DDX46: variants seen among roughly 807,000 people sequenced by gnomAD.
The protein encoded by DDX46 is DEAD-box helicase 46.
DDX46 carries 30 observed loss-of-function variants against 134.9 expected under a neutral mutation model. That is an observed-to-expected ratio of 0.22 (90% CI 0.17 to 0.30). The LOEUF (loss-of-function observed/expected upper bound fraction) is 0.30, where lower values mean the gene tolerates loss of function less well. Ranked by LOEUF, DDX46 falls within the 10% of genes least tolerant of loss-of-function variation. The pLI, the probability that DDX46 is intolerant of heterozygous loss-of-function variation, is 1.00. For missense variants in DDX46, 622 were observed against 1,248.7 expected, an observed-to-expected ratio of 0.50 and a Z score of 7.56; for synonymous variants, 415 against 404.1, an observed-to-expected ratio of 1.03 and a Z score of -0.32.
chr5:134,795,221 T>C (rs940476913), intron 14 of DDX46, among the ~76,000 whole-genome samples: 1 of 143,400 alleles, frequency 7.0e-6, no homozygotes, highest in South Asian at 2.2e-4. Flanking sequence ...TTTTTTTTTG[T>C]TTTTTTTTTG....
At chr5:134,791,609 A>G (rs141469749) in intron 13 of DDX46, among the ~76,000 whole-genome samples, 1 of 152,142 alleles carries the variant, frequency 6.6e-6, no homozygotes, top group Non-Finnish European at 1.5e-5. Context: ...ATCATTGTGA[A>G]TTGTCAGTAG....
At chr5:134,767,725 C>T (rs1234020863) in intron 3 of DDX46, among the ~76,000 whole-genome samples, 14 of 151,518 alleles carry the variant, frequency 9.2e-5, no homozygotes, top group Non-Finnish European at 1.9e-4. Flanking sequence ...CCAAGGTGGG[C>T]GGATCACCTG....
At chr5:134,802,145 T>G (rs1754845840) in intron 15 of DDX46, among the ~76,000 whole-genome samples, 1 of 150,976 alleles carries the variant, frequency 6.6e-6, no homozygotes, top group Non-Finnish European at 1.5e-5. Flanking sequence ...TAGATCAAAT[T>G]GGATAATTTC....
Position 134,828,817 on chromosome 5 carries a change from AT to A in DDX46, c.*119del. ...AGATTTTTTAAATTCTATCTTGCTG[AT>A]TTTTTTTAAATATAAGAAACTGGTA... On this transcript the variant is annotated 3_prime_UTR_variant, in exon 23 of 23. Coordinates refer to ENST00000452510, the MANE Select transcript of DDX46 (RefSeq NM_001300860.2). The A allele has an allele frequency of 3.1e-5, 24 of 784,270 alleles. No homozygotes were observed. The highest frequency in any genetic ancestry group is 4.9e-5 in the South Asian group (1 of 20,208). 48.6% of individuals were successfully genotyped at this position (784,270 alleles called of 1,614,324 possible).
At chr5:134,788,661 C>T (rs1489397579) in intron 12 of DDX46, 70 bp downstream of exon 12, 3 of 1,340,236 alleles carry the variant, frequency 2.2e-6, no homozygotes, top group Non-Finnish European at 3.2e-6. Context: ...AAAACAGATG[C>T]AAGAAACCAA....
intron 20 of DDX46, 137 bp from the exon 21 acceptor site, chr5:134,818,723 A>T (rs938925951): frequency 6.3e-6 from 3 of 478,482 alleles, no homozygotes; most frequent in East Asian, 7.8e-5. Flanking sequence ...AAAAAAAAGA[A>T]TATATATATA....
At chr5:134,784,022 T>C (rs913271008) in intron 9 of DDX46, among the ~76,000 whole-genome samples, 13 of 152,068 alleles carry the variant, frequency 8.5e-5, no homozygotes, top group African/African-American at 3.1e-4. Context: ...AAAGAAACTT[T>C]TGTCCATTAG....
chr5:134,779,971 C>T (rs780290335), intron 6 of DDX46, among the ~76,000 whole-genome samples: 19 of 152,164 alleles, frequency 1.2e-4, no homozygotes, highest in Admixed American at 1.2e-3. Context: ...TGATGGCGGA[C>T]GCCTCTAATC....
At chr5:134,823,967 A>G (rs1755523836) in intron 21 of DDX46, among the ~76,000 whole-genome samples, 1 of 152,242 alleles carries the variant, frequency 6.6e-6, no homozygotes, top group African/African-American at 2.4e-5. Flanking sequence ...AGTGAGAGAC[A>G]TGATTATTTG....
intron 11 of DDX46, among the ~76,000 whole-genome samples, chr5:134,786,610 C>G (rs1055761341): frequency 6.6e-6 from 1 of 151,998 alleles, no homozygotes; most frequent in African/African-American, 2.4e-5. Context: ...TTTGAGAGGC[C>G]GAAGCGGGTG....
chr5:134,793,498 A>G (rs763250641), intron 13 of DDX46, among the ~76,000 whole-genome samples: 1 of 152,110 alleles, frequency 6.6e-6, no homozygotes, highest in South Asian at 2.1e-4. Context: ...TCCGCCTCCC[A>G]GGTTCAAGTG....
intron 15 of DDX46, among the ~76,000 whole-genome samples, chr5:134,800,768 C>A (rs756688418): frequency 6.6e-6 from 1 of 152,088 alleles, no homozygotes; most frequent in Non-Finnish European, 1.5e-5. Context: ...CTCCGCCTCC[C>A]GGGTTCAAGC....
At chr5:134,770,413 T>C (rs577103487) in intron 3 of DDX46, among the ~76,000 whole-genome samples, 1 of 152,066 alleles carries the variant, frequency 6.6e-6, no homozygotes, top group Non-Finnish European at 1.5e-5. Flanking sequence ...GATCTTGTTA[T>C]GTTCCCCTGG....
intron 15 of DDX46, among the ~76,000 whole-genome samples, chr5:134,798,184 T>G (rs7706094): frequency 0.46 from 68,870 of 149,628 alleles, 17,468 homozygotes; most frequent in East Asian, 0.71. Flanking sequence ...TTTTTTTTTT[T>G]TTGTTGTTGT....
chr5:134,778,735 G>A (rs967626949), intron 6 of DDX46, among the ~76,000 whole-genome samples: 26 of 151,684 alleles, frequency 1.7e-4, no homozygotes, highest in Non-Finnish European at 7.4e-5. Flanking sequence ...CACTATGCCC[G>A]GCTAAGTTTT....
At chr5:134,785,607 C>A in intron 11 of DDX46, 21 bp downstream of exon 11, 1 of 1,580,676 alleles carries the variant, frequency 6.3e-7, no homozygotes, top group Non-Finnish European at 8.6e-7. Context: ...AAGAAACATT[C>A]ATGTTTTCCA....
At chr5:134,780,564 CAATAAATAAATAAATA>C (rs10655595) in intron 6 of DDX46, among the ~76,000 whole-genome samples, 8 of 142,308 alleles carry the variant, frequency 5.6e-5, no homozygotes, top group East Asian at 2.0e-4. Flanking sequence ...AACTTTATCT[CAATAAATAAATAAATA>C]AATAAATAAA....
chr5:134,784,886 T>C (rs996269499), intron 10 of DDX46, among the ~76,000 whole-genome samples: 1 of 152,222 alleles, frequency 6.6e-6, no homozygotes, highest in Non-Finnish European at 1.5e-5. Flanking sequence ...ATGGAAGATA[T>C]CCTAGGGAAA....
In DDX46 at chr5:134,781,146, C is replaced by T. The variant is rs542707059; in HGVS notation, c.779C>T (p.Thr260Met). The change falls in exon 7 of 23, where the codon ACG (threonine) becomes ATG (methionine). Residue 260 changes from threonine (T) to methionine (M), a missense_variant. Transcript: ENST00000452510. ...GGGNEKKSGP[T>M]VTKVVTVVTT... ...TCTTTATTTTAGAAGTCTGGGCCAA[C>T]GGTCACAAAAGTTGTCACTGTTGTG... is the stretch of plus-strand genomic sequence containing the variant. 2.8e-5 allele frequency: 44 copies of T among 1,578,450 alleles called. No homozygotes were observed. Among genetic ancestry groups the T allele is most frequent in the East Asian group, 1.6e-4 (7 of 43,642 alleles).
Sources: allele counts gnomAD v4.1 joint callset (sites outside exome capture counted in the v4.1 genomes callset), GRCh38; gene constraint gnomAD v4.1.1; transcripts MANE v1.5; gene names NCBI Gene and HGNC (gene_info 2026-07-23, HGNC 2026-07-21).